Variants in MFSD1 observed in about 807,000 individuals in gnomAD.
The protein encoded by MFSD1 is lysosomal dipeptide transporter MFSD1.
In MFSD1, 59 loss-of-function variants were observed where a neutral mutation model predicts 67.1. That is an observed-to-expected ratio of 0.88 (90% CI 0.71 to 1.09). The LOEUF (loss-of-function observed/expected upper bound fraction) is 1.09. MFSD1 is among the 50% of genes least tolerant of loss of function. The probability of loss-of-function intolerance (pLI) is 0.00; values close to 1 mark genes in which losing one functional copy is unlikely to be tolerated. For missense variants in MFSD1, 552 were observed against 566.1 expected (o/e 0.97, Z 0.25); for synonymous variants, 213 against 200.3 (o/e 1.06, Z -0.54).
chr3:158,821,254 A>C (rs1730654738), intron 9 of MFSD1, among the ~76,000 whole-genome samples: 1 of 152,134 alleles, frequency 6.6e-6, no homozygotes, highest in Non-Finnish European at 1.5e-5. Flanking sequence ...TCAGACAAGA[A>C]CCCTGTTTAT....
chr3:158,818,842 C>A (rs555535738), intron 7 of MFSD1, among the ~76,000 whole-genome samples: 47 of 152,242 alleles, frequency 3.1e-4, no homozygotes, highest in African/African-American at 1.0e-3. Flanking sequence ...ACTTTTAGAG[C>A]CAGAAAAGAC....
chr3:158,818,029 G>C (rs1025280833), intron 7 of MFSD1, among the ~76,000 whole-genome samples: 1 of 152,004 alleles, frequency 6.6e-6, no homozygotes, highest in African/African-American at 2.4e-5. Flanking sequence ...CTAGTTGCTG[G>C]GTGGGTCACT....
chr3:158,810,409 G>A (rs556774612), intron 6 of MFSD1, among the ~76,000 whole-genome samples: 27 of 152,254 alleles, frequency 1.8e-4, no homozygotes, highest in Non-Finnish European at 3.4e-4. Flanking sequence ...TTTAATAAGT[G>A]TCGTGAAAAT....
chr3:158,827,933 AGAGAGAGAGGGG>A (rs1353176117), intron 15 of MFSD1, among the ~76,000 whole-genome samples: 1,537 of 32,932 alleles, frequency 0.047, 58 homozygotes, highest in Non-Finnish European at 0.06. Context: ...AGAGAGAGAG[AGAGAGAGAGGGG>A]GAGAGAGAGA....
intron 6 of MFSD1, among the ~76,000 whole-genome samples, chr3:158,810,592 G>T (rs1208408029): frequency 6.6e-6 from 1 of 152,090 alleles, no homozygotes; most frequent in East Asian, 1.9e-4. Context: ...ATCTCTTTTA[G>T]TCTCCATAGG....
chr3:158,828,377 T>C (rs1241636435), intron 15 of MFSD1, among the ~76,000 whole-genome samples: 1 of 152,074 alleles, frequency 6.6e-6, no homozygotes, highest in Non-Finnish European at 1.5e-5. Context: ...TTTTTTGAGA[T>C]GGGGGTGGTT....
Position 158,827,517 on chromosome 3 carries a change from C to T in MFSD1, c.1394+180C>T, listed in dbSNP as rs1335350753. Among the ~76,000 whole-genome samples the T allele has an allele frequency of 6.6e-6, 1 of 151,200 alleles. No homozygotes were observed. Among genetic ancestry groups the T allele is most frequent in the East Asian group, 2.0e-4 (1 of 5,118 alleles). Reference sequence around the variant, plus strand: ...GAAGCCTCAACTTCCTCAGCTCAGGCAATCCTCCCATCTCAGCCTCCCAAG... The same window carrying T: ...GAAGCCTCAACTTCCTCAGCTCAGGTAATCCTCCCATCTCAGCCTCCCAAG... On this transcript the variant is annotated intron_variant, in intron 15 of 15. Transcript: ENST00000415822.
Position 158,807,453 on chromosome 3 carries a change from T to G in MFSD1, c.430T>G (p.Phe144Val). ...NAFWLMEFGRFVFGIGGESLA... is the reference protein window; with the variant it reads ...NAFWLMEFGRVVFGIGGESLA... Reference sequence around the variant, plus strand: ...TTTTTGGCTGATGGAATTTGGAAGATTTGTATTTGGGTAAGTTATGCATAA... The same window carrying G: ...TTTTTGGCTGATGGAATTTGGAAGAGTTGTATTTGGGTAAGTTATGCATAA... Residue 144 changes from phenylalanine (F) to valine (V), a missense_variant, in exon 5 of 16, where the codon TTT becomes GTT. Coordinates refer to ENST00000415822, the MANE Select transcript of MFSD1 (RefSeq NM_022736.4). 1 of 1,611,444 alleles carries G rather than the reference T, an allele frequency of 6.2e-7. No homozygotes were observed. The highest frequency in any genetic ancestry group is 1.1e-5 in the South Asian group (1 of 91,016).
At chr3:158,816,496 G>A (rs1157466504) in intron 7 of MFSD1, among the ~76,000 whole-genome samples, 1 of 151,944 alleles carries the variant, frequency 6.6e-6, no homozygotes, top group African/African-American at 2.4e-5. Context: ...CTTTTTGATG[G>A]GGTTGTTTTT....
chr3:158,818,987 A>G (rs1272676105), intron 7 of MFSD1, among the ~76,000 whole-genome samples: 1 of 152,230 alleles, frequency 6.6e-6, no homozygotes, highest in Admixed American at 6.5e-5. Flanking sequence ...CGAATTTTCA[A>G]CCGGGCTGTG....
intron 6 of MFSD1, among the ~76,000 whole-genome samples, chr3:158,812,086 A>G (rs1188382910): frequency 6.6e-6 from 1 of 152,180 alleles, no homozygotes; most frequent in Non-Finnish European, 1.5e-5. Context: ...AGGGTGCTGG[A>G]TCTCCAGTCC....
At chr3:158,812,093 G>C (rs754503852) in intron 6 of MFSD1, among the ~76,000 whole-genome samples, 5 of 152,184 alleles carry the variant, frequency 3.3e-5, no homozygotes, top group Non-Finnish European at 7.4e-5. Context: ...TGGATCTCCA[G>C]TCCCGAGCTA....
chr3:158,823,254 T>G (rs2108232865), intron 11 of MFSD1, 174 bp from the exon 12 acceptor site: 3 of 602,994 alleles, frequency 5.0e-6, no homozygotes, highest in Non-Finnish European at 9.0e-6. Context: ...AAGGATACTC[T>G]TAGGGCAGAG....
chr3:158,820,433 T>G (rs1390770146), intron 9 of MFSD1, 107 bp downstream of exon 9: 2 of 723,070 alleles, frequency 2.8e-6, no homozygotes, highest in African/African-American at 3.5e-5. Context: ...TGGTTATAGT[T>G]TATATTTTCA....
intron 15 of MFSD1, among the ~76,000 whole-genome samples, chr3:158,828,608 G>A (rs1439544626): frequency 2.0e-5 from 3 of 152,012 alleles, no homozygotes; most frequent in East Asian, 1.9e-4. Context: ...TTAACATGCC[G>A]TATGCTAAGT....
rs1007062069 is a variant in MFSD1 at position 158,803,427 on chromosome 3, A to G, written c.164-892A>G. On this transcript the variant is annotated intron_variant, in intron 1 of 15. Coordinates refer to ENST00000415822, the MANE Select transcript of MFSD1 (RefSeq NM_022736.4). ...TAAAGCAGGACGTTGAATCCTTAAA[A>G]GAGATTAAAGCAGGGTTTAGAAACA... 1.5e-4 allele frequency among the ~76,000 whole-genome samples: 23 copies of G among 152,142 alleles called. 1 individual carries two copies. Among genetic ancestry groups the G allele is most frequent in the Admixed American group, 1.4e-3 (22 of 15,278 alleles).
At chr3:158,812,797 C>G (rs886954701) in intron 6 of MFSD1, among the ~76,000 whole-genome samples, 1 of 152,134 alleles carries the variant, frequency 6.6e-6, no homozygotes, top group Non-Finnish European at 1.5e-5. Flanking sequence ...GCTTCCCTTC[C>G]CACCATTTCC....
At chr3:158,814,160 C>G in intron 7 of MFSD1, 93 bp downstream of exon 7, 1 of 917,418 alleles carries the variant, frequency 1.1e-6, no homozygotes. Flanking sequence ...GAATTTGTAT[C>G]TACTTTGGTT....
At chr3:158,802,486 A>T (rs1729508726) in intron 1 of MFSD1, 171 bp downstream of exon 1, 2 of 834,496 alleles carry the variant, frequency 2.4e-6, no homozygotes, top group South Asian at 1.4e-5. Flanking sequence ...ACACCTGTGG[A>T]TGTTGCTAGT....
Sources: allele counts gnomAD v4.1 joint callset (sites outside exome capture counted in the v4.1 genomes callset), GRCh38; gene constraint gnomAD v4.1.1; transcripts MANE v1.5; gene names NCBI Gene and HGNC (gene_info 2026-07-23, HGNC 2026-07-21).